Variants in TMEM44 observed in about 807,000 individuals in gnomAD.
The protein encoded by TMEM44 is transmembrane protein 44.
TMEM44 carries 43 observed loss-of-function variants against 47.8 expected under a neutral mutation model. The ratio of observed to expected loss-of-function variants is 0.90; its 90% CI spans 0.70 to 1.16. The LOEUF (loss-of-function observed/expected upper bound fraction) is 1.16. TMEM44 is among the 50% of genes most tolerant of loss of function. The probability of loss-of-function intolerance (pLI) is 0.00; values close to 1 mark genes in which losing one functional copy is unlikely to be tolerated. For missense variants in TMEM44, 568 were observed against 555.2 expected, an observed-to-expected ratio of 1.02 and a Z score of -0.23; for synonymous variants, 277 against 238.8, an observed-to-expected ratio of 1.16 and a Z score of -1.48.
At chr3:194,616,502 G>T in intron 6 of TMEM44, 2 of 444,708 alleles carry the variant, frequency 4.5e-6, no homozygotes, top group South Asian at 3.2e-5. Context: ...AAGGCCACAT[G>T]AAGGGCAAGG....
In TMEM44 at chr3:194,623,458, C is replaced by T. The variant is rs1187947291; in HGVS notation, c.525+71G>A. ...CTTAACCCCACTCCCCTAGCCCCGG[C>T]CTCATCCCACCCTGGGCATTTGGCA... On this transcript the variant is annotated intron_variant, in intron 4 of 9. Coordinates refer to ENST00000347147, the MANE Select transcript of TMEM44 (RefSeq NM_001011655.3). 5 of 1,517,934 alleles carry T rather than the reference C, an allele frequency of 3.3e-6. No homozygotes were observed. In the African/African-American group the frequency reaches 5.6e-5, roughly 17 times the overall value. The allele number at this position is 1,517,934 out of a possible 1,614,324, so 94.0% of individuals were successfully genotyped here.
intron 7 of TMEM44, among the ~76,000 whole-genome samples, chr3:194,612,292 TA>T (rs1715407620): frequency 6.6e-6 from 1 of 152,174 alleles, no homozygotes; most frequent in Non-Finnish European, 1.5e-5. Flanking sequence ...TATAATTTCC[TA>T]ACAGTTGCTA....
intron 9 of TMEM44, among the ~76,000 whole-genome samples, chr3:194,595,872 G>A (rs1251500833): frequency 2.0e-5 from 3 of 152,030 alleles, no homozygotes; most frequent in African/African-American, 7.2e-5. Context: ...TGATCTGCCC[G>A]CCTCAGCCTC....
chr3:194,618,368 C>T (rs1297740854), intron 5 of TMEM44, among the ~76,000 whole-genome samples: 2 of 151,378 alleles, frequency 1.3e-5, no homozygotes, highest in Non-Finnish European at 2.9e-5. Flanking sequence ...TATGTATATA[C>T]ACAAACACCA....
Position 194,588,395 on chromosome 3 carries a change from G to A in TMEM44, c.*134C>T. On this transcript the variant is annotated 3_prime_UTR_variant, in exon 10 of 10. Transcript: ENST00000347147. Reference sequence around the variant, plus strand: ...ATGATGTAGCCCAGCCACACTCAGTGACGGCTCCTGGTTCCTCACTTGCCA... The same window carrying A: ...ATGATGTAGCCCAGCCACACTCAGTAACGGCTCCTGGTTCCTCACTTGCCA... 1.4e-6 allele frequency: 1 copy of A among 721,370 alleles called. No homozygotes were observed. Among genetic ancestry groups the A allele is most frequent in the Non-Finnish European group, 2.3e-6 (1 of 431,128 alleles). The allele number at this position is 721,370 out of a possible 1,614,324, so 44.7% of individuals were successfully genotyped here. A position where few individuals can be genotyped will look rare whatever the true frequency, so the allele number is the denominator to read the frequency against.
intron 9 of TMEM44, among the ~76,000 whole-genome samples, chr3:194,596,105 A>G (rs1713375239): frequency 6.6e-6 from 1 of 152,046 alleles, no homozygotes; most frequent in Non-Finnish European, 1.5e-5. Context: ...GACGGCACAG[A>G]TGGGGAGGCG....
chr3:194,604,129 C>G (rs926613673), intron 9 of TMEM44, among the ~76,000 whole-genome samples, 158 bp downstream of exon 9: 1 of 152,254 alleles, frequency 6.6e-6, no homozygotes, highest in African/African-American at 2.4e-5. Context: ...GCTGCAATTA[C>G]AGGTGTGAGC....
intron 9 of TMEM44, among the ~76,000 whole-genome samples, chr3:194,597,991 C>T (rs979887862): frequency 6.6e-6 from 1 of 152,196 alleles, no homozygotes; most frequent in African/African-American, 2.4e-5. Flanking sequence ...TTGTGCCCTT[C>T]GGATGGCTTT....
chr3:194,589,054 C>T (rs1174090249), intron 9 of TMEM44: 1 of 199,908 alleles, frequency 5.0e-6, no homozygotes, highest in Non-Finnish European at 1.0e-5. Flanking sequence ...GGCTAGAGTA[C>T]AGTGGTGCAA....
At chr3:194,625,543 C>T (rs377017762) in intron 3 of TMEM44, among the ~76,000 whole-genome samples, 7 of 151,946 alleles carry the variant, frequency 4.6e-5, no homozygotes, top group East Asian at 1.9e-4. Flanking sequence ...TGCAGTGGTG[C>T]GATCTCAGCT....
At chr3:194,596,265 C>T (rs539516050) in intron 9 of TMEM44, among the ~76,000 whole-genome samples, 70 of 152,186 alleles carry the variant, frequency 4.6e-4, no homozygotes, top group African/African-American at 1.6e-3. Context: ...AGGCAGAGCG[C>T]GCCTGCATCG....
chr3:194,603,440 T>C (rs1478044015), intron 9 of TMEM44, among the ~76,000 whole-genome samples: 1 of 152,082 alleles, frequency 6.6e-6, no homozygotes, highest in African/African-American at 2.4e-5. Context: ...CTCTGTTGGC[T>C]AAGCTGGAGT....
In TMEM44 at chr3:194,598,335, C is replaced by T. The variant is rs75787352; in HGVS notation, c.1176+5952G>A. Among the ~76,000 whole-genome samples, 98 of 152,186 alleles carry T rather than the reference C, an allele frequency of 6.4e-4. 2 individuals are homozygous for T. In the East Asian group the frequency reaches 0.017, roughly 27 times the overall value. Reference sequence around the variant, plus strand: ...TGAAAAGACACCTGGGCAGAGGGTCCGTTTTCTCGTCTGTAAAATGGGAAT... The same window carrying T: ...TGAAAAGACACCTGGGCAGAGGGTCTGTTTTCTCGTCTGTAAAATGGGAAT... On this transcript the variant is annotated intron_variant, in intron 9 of 9. Coordinates refer to ENST00000347147, the MANE Select transcript of TMEM44 (RefSeq NM_001011655.3).
intron 9 of TMEM44, chr3:194,589,864 G>A (rs568729823): frequency 7.2e-5 from 11 of 152,180 alleles, no homozygotes; most frequent in African/African-American, 2.2e-4. Context: ...GTTTCCCCAT[G>A]TGTATGCTGT....
At chr3:194,598,961 G>A (rs952447885) in intron 9 of TMEM44, among the ~76,000 whole-genome samples, 3 of 152,340 alleles carry the variant, frequency 2.0e-5, no homozygotes, top group African/African-American at 7.2e-5. Flanking sequence ...GAGTTGGTGA[G>A]TAACAGACAG....
intron 1 of TMEM44, among the ~76,000 whole-genome samples, chr3:194,630,163 G>T (rs1158683462): frequency 1.0e-5 from 1 of 95,456 alleles, no homozygotes; most frequent in Non-Finnish European, 2.1e-5. Context: ...CTTCCCGAAG[G>T]GGCTGGCTGT....
At chr3:194,597,170 G>C (rs1713521019) in intron 9 of TMEM44, 1 of 152,294 alleles carries the variant, frequency 6.6e-6, no homozygotes, top group South Asian at 2.1e-4. Flanking sequence ...TGCAGACTTT[G>C]TTCCAATGAC....
At chr3:194,623,081 C>T (rs1430568535) in intron 5 of TMEM44, 143 bp downstream of exon 5, 5 of 780,090 alleles carry the variant, frequency 6.4e-6, no homozygotes, top group Non-Finnish European at 9.9e-6. Context: ...GTCATACACA[C>T]TAACGCTCTT....
At chr3:194,598,694 C>T (rs532641158) in intron 9 of TMEM44, among the ~76,000 whole-genome samples, 4 of 152,306 alleles carry the variant, frequency 2.6e-5, no homozygotes, top group Non-Finnish European at 2.9e-5. Context: ...GGGGTTACCA[C>T]GGCGTGTTGA....
Sources: gnomAD v4.1 joint callset for allele counts (sites outside exome capture counted in the v4.1 genomes callset) on GRCh38, gnomAD v4.1.1 for gene constraint, MANE v1.5 for transcripts, NCBI Gene and HGNC (gene_info 2026-07-23, HGNC 2026-07-21) for gene names.